The following RAB3IP variants were observed in gnomAD, a reference collection of about 807,000 sequenced individuals.
RAB3IP encodes the protein RAB3A interacting protein, also known as rab-3A-interacting protein.
A neutral mutation model predicts 59.1 loss-of-function variants in RAB3IP; 36 were observed. That is an observed-to-expected ratio of 0.61 (90% CI 0.47 to 0.80). The LOEUF is 0.80. Ranked by LOEUF, RAB3IP falls within the 30% of genes least tolerant of loss-of-function variation. The pLI is 0.00. For synonymous variants in RAB3IP, 207 were observed against 191.2 expected, an observed-to-expected ratio of 1.08 and a Z score of -0.68; for missense variants, 511 against 536.0, an observed-to-expected ratio of 0.95 and a Z score of 0.46.
rs1222613203 is a variant in RAB3IP at position 69,820,613 on chromosome 12, C to G, written c.*5167C>G. 2 of 147,582 alleles carry G rather than the reference C, an allele frequency of 1.4e-5. No individual in the cohort carries two copies. Among genetic ancestry groups the G allele is most frequent in the Non-Finnish European group, 3.0e-5 (2 of 67,598 alleles). 9.1% of individuals were successfully genotyped at this position (147,582 alleles called of 1,614,324 possible). A position where few individuals can be genotyped will look rare whatever the true frequency, so the allele number is the denominator to read the frequency against. ...ATGGCTCATGCCTGTAATCCCAGCA[C>G]TTTGGGAGGCCGAGGCGGGCGGATC... On this transcript the variant is annotated 3_prime_UTR_variant, in exon 11 of 11. Transcript: ENST00000247833.
At chr12:69,769,791 C>T (rs781563378) in intron 3 of RAB3IP, among the ~76,000 whole-genome samples, 2 of 152,158 alleles carry the variant, frequency 1.3e-5, no homozygotes, top group African/African-American at 2.4e-5. Flanking sequence ...GGTGATGTTT[C>T]ATTGATTCTG....
intron 8 of RAB3IP, among the ~76,000 whole-genome samples, chr12:69,811,571 A>G (rs1392994532): frequency 6.6e-6 from 1 of 152,212 alleles, no homozygotes; most frequent in Non-Finnish European, 1.5e-5. Context: ...TATGCAAATT[A>G]TACTTTTGGA....
intron 3 of RAB3IP, among the ~76,000 whole-genome samples, chr12:69,759,689 C>T (rs1218566857): frequency 2.1e-5 from 3 of 141,842 alleles, no homozygotes; most frequent in African/African-American, 5.4e-5. Flanking sequence ...GGCGGCTGGC[C>T]GGGCAGGGGC....
intron 4 of RAB3IP, among the ~76,000 whole-genome samples, chr12:69,791,864 A>G (rs1012770770): frequency 9.9e-5 from 15 of 152,202 alleles, no homozygotes; most frequent in African/African-American, 2.2e-4. Context: ...CTGTGCTTCC[A>G]TGTTCATTGC....
chr12:69,756,360 G>T (rs757749727), intron 2 of RAB3IP, 45 bp from the exon 3 acceptor site: 1 of 1,595,616 alleles, frequency 6.3e-7, no homozygotes, highest in Admixed American at 1.7e-5. Context: ...AGTTCTATTG[G>T]AGCATATGCT....
In RAB3IP at chr12:69,755,601, A is replaced by G; in HGVS notation, c.193A>G (p.Thr65Ala). ...TGCATTAGATGTTTCTGAACTTCCTACACAACCCGTGTATTCATCCCCCAG... is the reference window on the plus strand; with the variant it reads ...TGCATTAGATGTTTCTGAACTTCCTGCACAACCCGTGTATTCATCCCCCAG... ...ANALDVSELP[T>A]QPVYSSPRRL... Residue 65 changes from threonine to alanine, a missense_variant, in exon 2 of 11, where the codon ACA (threonine) becomes GCA (alanine). Physicochemically the swap from Thr to Ala is moderately conservative, Grantham distance 58. Coordinates refer to ENST00000247833, the MANE Select transcript of RAB3IP (RefSeq NM_022456.5). 1 of 1,614,038 alleles carries G rather than the reference A, an allele frequency of 6.2e-7. No individual in the cohort carries two copies.
chr12:69,759,397 A>G (rs916003068), intron 3 of RAB3IP, among the ~76,000 whole-genome samples: 7 of 152,234 alleles, frequency 4.6e-5, no homozygotes, highest in South Asian at 2.1e-4. Flanking sequence ...CTACACAGAC[A>G]CAGCAACAAT....
In RAB3IP at chr12:69,813,051, A is replaced by T; in HGVS notation, c.1300+18A>T. 1 of 1,572,994 alleles carries T rather than the reference A, an allele frequency of 6.4e-7. No individual in the cohort carries two copies. Among genetic ancestry groups the T allele is most frequent in the Non-Finnish European group, 8.7e-7 (1 of 1,152,292 alleles). ...GCAGGATGGTGAGTGTTCTTGATTC[A>T]ATATAAGTCTTTACATAAAAGTTCA... is the stretch of plus-strand genomic sequence containing the variant. On this transcript the variant is annotated intron_variant, in intron 10 of 10. Transcript: ENST00000247833.
chr12:69,746,402 C>T (rs1868352351), intron 1 of RAB3IP, among the ~76,000 whole-genome samples: 1 of 152,110 alleles, frequency 6.6e-6, no homozygotes, highest in African/African-American at 2.4e-5. Flanking sequence ...ATCCTATTCC[C>T]CTTGCCCATC....
chr12:69,739,801 A>G (rs779831154), intron 1 of RAB3IP: 77 of 1,612,586 alleles, frequency 4.8e-5, no homozygotes, highest in East Asian at 1.8e-4. Flanking sequence ...TCCAGAAGTG[A>G]TGATGCTGGG....
At chr12:69,738,348 G>T (rs543798981), upstream of RAB3IP, 1 of 152,182 alleles carries the variant, frequency 6.6e-6, no homozygotes, top group African/African-American at 2.4e-5. Flanking sequence ...GACAGGTACA[G>T]ACATGACATT....
chr12:69,807,251 A>T (rs1238870513), intron 8 of RAB3IP, among the ~76,000 whole-genome samples: 1 of 143,582 alleles, frequency 7.0e-6, no homozygotes, highest in Admixed American at 6.9e-5. Flanking sequence ...AGCCGTGCAG[A>T]GGCGCTCCTC....
chr12:69,814,783 G>A (rs77168443), intron 10 of RAB3IP, among the ~76,000 whole-genome samples: 7,248 of 152,192 alleles, frequency 0.048, 248 homozygotes, highest in South Asian at 0.13. Context: ...AGGAGCCAAC[G>A]TTTTTCCACT....
intron 8 of RAB3IP, among the ~76,000 whole-genome samples, chr12:69,804,478 G>T (rs1214413842): frequency 1.3e-5 from 2 of 152,168 alleles, no homozygotes; most frequent in Non-Finnish European, 2.9e-5. Flanking sequence ...TTCTTTTGTT[G>T]TGCAGAAGCT....
Position 69,800,303 on chromosome 12 carries a change from A to G in RAB3IP, c.983A>G (p.Asp328Gly), listed in dbSNP as rs1878173772. Residue 328 changes from aspartate (D) to glycine (G), a missense_variant, in exon 7 of 11, where the codon GAT becomes GGT. Coordinates refer to ENST00000247833, the MANE Select transcript of RAB3IP (RefSeq NM_022456.5). ...CPFLDKIYQE[D>G]IFPCLTFSKS... is the part of the protein sequence containing the mutation. ...TTCTTAGACAAAATCTACCAGGAAG[A>G]TATCTTTCCATGTTTAACATTCTCA... 6.3e-7 allele frequency: 1 copy of G among 1,590,552 alleles called. No homozygotes were observed. Among genetic ancestry groups the G allele is most frequent in the African/African-American group, 1.4e-5 (1 of 73,894 alleles).
At chr12:69,764,745 A>G (rs564047069) in intron 3 of RAB3IP, among the ~76,000 whole-genome samples, 5 of 152,174 alleles carry the variant, frequency 3.3e-5, no homozygotes, top group Non-Finnish European at 5.9e-5. Context: ...CAGTATGGCC[A>G]TTTTAACAAT....
At chr12:69,763,063 C>G (rs138778370) in intron 3 of RAB3IP, among the ~76,000 whole-genome samples, 3 of 152,282 alleles carry the variant, frequency 2.0e-5, no homozygotes, top group African/African-American at 7.2e-5. Flanking sequence ...CCTTAAAGAA[C>G]TGAGGGTGCT....
chr12:69,746,075 C>T (rs770853740), intron 1 of RAB3IP, among the ~76,000 whole-genome samples: 17 of 152,112 alleles, frequency 1.1e-4, no homozygotes, highest in Non-Finnish European at 1.6e-4. Context: ...GTTTTCCATA[C>T]GTATATATGC....
At chr12:69,743,728 C>T (rs1887569133) in intron 1 of RAB3IP, among the ~76,000 whole-genome samples, 1 of 152,162 alleles carries the variant, frequency 6.6e-6, no homozygotes, top group Non-Finnish European at 1.5e-5. Context: ...CAGGTTTTCT[C>T]AAACTTCAAT....
Sources: allele counts gnomAD v4.1 joint callset (sites outside exome capture counted in the v4.1 genomes callset), GRCh38; gene constraint gnomAD v4.1.1; transcripts MANE v1.5; gene names NCBI Gene and HGNC (gene_info 2026-07-23, HGNC 2026-07-21).